The following TNFAIP8 variants were observed in gnomAD, a reference collection of about 807,000 sequenced individuals.
The protein encoded by TNFAIP8 is tumor necrosis factor alpha-induced protein 8.
In TNFAIP8, 7 loss-of-function variants were observed where a neutral mutation model predicts 13.3. That is an observed-to-expected ratio of 0.52 (90% CI 0.30 to 0.99). The LOEUF is 0.99. TNFAIP8 is among the 50% of genes least tolerant of loss of function. The pLI is 0.07. For synonymous variants in TNFAIP8, 94 were observed against 87.6 expected (o/e 1.07, Z -0.41); for missense variants, 258 against 236.9 (o/e 1.09, Z -0.58).
At chr5:119,325,444 G>T (rs1364395155) in intron 1 of TNFAIP8, among the ~76,000 whole-genome samples, 1 of 151,874 alleles carries the variant, frequency 6.6e-6, no homozygotes, top group Non-Finnish European at 1.5e-5. Flanking sequence ...TACTTAATTT[G>T]TTTATTTATT....
intron 1 of TNFAIP8, among the ~76,000 whole-genome samples, chr5:119,297,317 G>C (rs1246910646): frequency 6.6e-6 from 1 of 151,964 alleles, no homozygotes; most frequent in African/African-American, 2.4e-5. Context: ...CTTTGTTCTC[G>C]TTGGTTTCAA....
At chr5:119,323,958 T>C (rs1750136920) in intron 1 of TNFAIP8, among the ~76,000 whole-genome samples, 1 of 152,132 alleles carries the variant, frequency 6.6e-6, no homozygotes, top group African/African-American at 2.4e-5. Flanking sequence ...GTGAAGTAAA[T>C]CTTATTTAAA....
rs994760344 is a variant in TNFAIP8 at position 119,277,217 on chromosome 5, C to T, written c.1+8310C>T. Among the ~76,000 whole-genome samples, 13 of 152,188 alleles carry T rather than the reference C, an allele frequency of 8.5e-5. No homozygotes were observed. In the East Asian group the frequency reaches 2.5e-3, roughly 29 times the overall value. The stretch of plus-strand genomic sequence containing the variant: ...TAGATACGGGGGACTACTGAGGAGA[C>T]CACACCGTTTGTGTTGTGATTGTCA... On this transcript the variant is annotated intron_variant, in intron 1 of 1. Coordinates refer to the TNFAIP8 transcript ENST00000274456.
At chr5:119,308,865 A>C (rs1349463247) in intron 1 of TNFAIP8, among the ~76,000 whole-genome samples, 1 of 151,968 alleles carries the variant, frequency 6.6e-6, no homozygotes, top group Non-Finnish European at 1.5e-5. Flanking sequence ...AAAAAAAAAA[A>C]AAAAAAAAAG....
intron 1 of TNFAIP8, among the ~76,000 whole-genome samples, chr5:119,321,420 A>C (rs1750052243): frequency 6.6e-6 from 1 of 152,160 alleles, no homozygotes; most frequent in Non-Finnish European, 1.5e-5. Flanking sequence ...AATAACTTCC[A>C]AATTAATGTA....
At chr5:119,283,286 T>C (rs1474724776) in intron 1 of TNFAIP8, among the ~76,000 whole-genome samples, 2 of 152,190 alleles carry the variant, frequency 1.3e-5, no homozygotes, top group African/African-American at 4.8e-5. Context: ...AACAATCTTA[T>C]GACACTTAGC....
intron 1 of TNFAIP8, among the ~76,000 whole-genome samples, chr5:119,341,823 A>G (rs1474217217): frequency 6.6e-6 from 1 of 152,202 alleles, no homozygotes. Flanking sequence ...ATCACTGAAG[A>G]GAAGGAACCC....
At chr5:119,277,191 A>G (rs1475873622) in intron 1 of TNFAIP8, among the ~76,000 whole-genome samples, 1 of 152,226 alleles carries the variant, frequency 6.6e-6, no homozygotes, top group Non-Finnish European at 1.5e-5. Context: ...AACCGAGACC[A>G]TAGATACGGG....
intron 1 of TNFAIP8, among the ~76,000 whole-genome samples, chr5:119,323,197 A>G (rs1007639229): frequency 1.3e-5 from 2 of 152,162 alleles, no homozygotes; most frequent in East Asian, 1.9e-4. Context: ...CTAACATCCT[A>G]TGCTGCTATT....
At chr5:119,298,096 G>A (rs1183235803) in intron 1 of TNFAIP8, among the ~76,000 whole-genome samples, 1 of 152,156 alleles carries the variant, frequency 6.6e-6, no homozygotes, top group Non-Finnish European at 1.5e-5. Flanking sequence ...GGAGCATTTA[G>A]TCCATTTACA....
intron 1 of TNFAIP8, among the ~76,000 whole-genome samples, chr5:119,341,545 G>A (rs10053031): frequency 0.13 from 20,513 of 152,140 alleles, 2,337 homozygotes; most frequent in African/African-American, 0.32. Flanking sequence ...CAGAGGTACC[G>A]TATTTATGGA....
chr5:119,308,100 C>T (rs1479292570), intron 1 of TNFAIP8, among the ~76,000 whole-genome samples: 2 of 152,146 alleles, frequency 1.3e-5, no homozygotes, highest in Non-Finnish European at 2.9e-5. Flanking sequence ...TGTGGTGCAA[C>T]ATGTGGCATT....
intron 1 of TNFAIP8, chr5:119,391,596 C>T (rs1216095059): frequency 5.8e-6 from 3 of 513,898 alleles, no homozygotes; most frequent in Non-Finnish European, 7.2e-6. Flanking sequence ...CCCGTCTCTA[C>T]TGAAAATACA....
chr5:119,390,680 A>T (rs1003345662), intron 1 of TNFAIP8, among the ~76,000 whole-genome samples: 9 of 152,208 alleles, frequency 5.9e-5, no homozygotes, highest in Non-Finnish European at 1.2e-4. Flanking sequence ...ACATTCTTTG[A>T]GTGGATGTAT....
At chr5:119,391,321 A>G (rs1260249948) in intron 1 of TNFAIP8, 3 of 699,058 alleles carry the variant, frequency 4.3e-6, no homozygotes, top group African/African-American at 1.8e-5. Flanking sequence ...GTATTTTTAA[A>G]CTTTTTATCT....
At chr5:119,377,084 A>G (rs879861118) in intron 1 of TNFAIP8, among the ~76,000 whole-genome samples, 7 of 152,214 alleles carry the variant, frequency 4.6e-5, no homozygotes, top group East Asian at 1.9e-4. Flanking sequence ...TGCCTGGCAC[A>G]TAACAGTTGC....
At chr5:119,371,937 A>G (rs1466326949) in intron 1 of TNFAIP8, among the ~76,000 whole-genome samples, 1 of 152,062 alleles carries the variant, frequency 6.6e-6, no homozygotes, top group African/African-American at 2.4e-5. Context: ...GGAGATCTAG[A>G]CCATCCTGGA....
intron 1 of TNFAIP8, among the ~76,000 whole-genome samples, chr5:119,301,536 A>G (rs1172987118): frequency 6.6e-6 from 1 of 152,128 alleles, no homozygotes; most frequent in Non-Finnish European, 1.5e-5. Context: ...CATTATTTAT[A>G]TGCCATAGCT....
rs56104829 is a variant in TNFAIP8 at position 119,324,274 on chromosome 5, CAAAAAAAAAAAAAAAAAAAAAAA to C, written c.1+55385_1+55407del. Among the ~76,000 whole-genome samples, 56 of 77,668 alleles carry C rather than the reference CAAAAAAAAAAAAAAAAAAAAAAA, an allele frequency of 7.2e-4. 2 individuals carry two copies. Among genetic ancestry groups the C allele is most frequent in the African/African-American group, 2.3e-3 (48 of 20,638 alleles). The allele number at this position is 77,668 out of a possible 152,430, so 51.0% of individuals were successfully genotyped here. On this transcript the variant is annotated intron_variant, in intron 1 of 1. Transcript: ENST00000274456. ...TGAGCCACAAAGCAAGACGCCATCTCAAAAAAAAAAAAAAAAAAAAAAAAAAAAAAAAAAAAAAAAGAAGAAGT... is the reference window on the plus strand; with the variant it reads ...TGAGCCACAAAGCAAGACGCCATCTCAAAAAAAAAAAAAAAAAGAAGAAGT...
Sources: gnomAD v4.1 joint callset for allele counts (sites outside exome capture counted in the v4.1 genomes callset) on GRCh38, gnomAD v4.1.1 for gene constraint, MANE v1.5 for transcripts, NCBI Gene and HGNC (gene_info 2026-07-23, HGNC 2026-07-21) for gene names.